PDPR: variants seen among roughly 807,000 people sequenced by gnomAD.
PDPR encodes the protein pyruvate dehydrogenase phosphatase regulatory subunit.
A neutral mutation model predicts 102.2 loss-of-function variants in PDPR; 50 were observed. The ratio of observed to expected loss-of-function variants is 0.49; its 90% CI spans 0.39 to 0.62. PDPR has a LOEUF of 0.62. Ranked by LOEUF, PDPR falls within the 20% of genes least tolerant of loss-of-function variation. The probability of loss-of-function intolerance (pLI) is 0.00; values close to 1 mark genes in which losing one functional copy is unlikely to be tolerated. For missense variants in PDPR, 625 were observed against 1,098.2 expected, an observed-to-expected ratio of 0.57 and a Z score of 6.09; for synonymous variants, 259 against 406.0, an observed-to-expected ratio of 0.64 and a Z score of 4.35.
chr16:70,151,072 C>A (rs1272004597), intron 17 of PDPR, among the ~76,000 whole-genome samples: 2 of 152,222 alleles, frequency 1.3e-5, no homozygotes, highest in Non-Finnish European at 2.9e-5. Flanking sequence ...GTAGCTGGGA[C>A]TACAGGCACA....
rs12448476 is a variant in PDPR, at chr16:70,157,851, A to G, written c.*972A>G. On this transcript the variant is annotated 3_prime_UTR_variant, in exon 19 of 19. Transcript: ENST00000288050. Reference sequence around the variant, plus strand: ...GGTCAGCCTCACTTGTCCCTTTCACAGTTGGCCCATAAAGTCATGTTTCTC... The same window carrying G: ...GGTCAGCCTCACTTGTCCCTTTCACGGTTGGCCCATAAAGTCATGTTTCTC... The G allele has an allele frequency of 0.031, 4,817 of 153,864 alleles. 159 individuals carry two copies. Among genetic ancestry groups the G allele is most frequent in the East Asian group, 0.21 (1,076 of 5,056 alleles). 9.5% of individuals were successfully genotyped at this position (153,864 alleles called of 1,614,324 possible).
rs1967324316 is a variant in PDPR at position 70,157,263 on chromosome 16, C to T, written c.*384C>T. The T allele has an allele frequency of 2.1e-6, 1 of 484,962 alleles. No individual in the cohort carries two copies. Among genetic ancestry groups the T allele is most frequent in the Admixed American group, 2.4e-5 (1 of 42,356 alleles). The allele number at this position is 484,962 out of a possible 1,614,324, so 30.0% of individuals were successfully genotyped here. On this transcript the variant is annotated 3_prime_UTR_variant, in exon 19 of 19. Transcript: ENST00000288050. ...GTGGTGCAGGTCTCAGGGCACGAGT[C>T]CCTCTCCCTTGGGTTCCATTTTCTT...
At chr16:70,151,084 G>A (rs997660684) in intron 17 of PDPR, among the ~76,000 whole-genome samples, 4 of 152,236 alleles carry the variant, frequency 2.6e-5, no homozygotes, top group Non-Finnish European at 2.9e-5. Flanking sequence ...ACAGGCACAC[G>A]CCACCACACT....
chr16:70,150,082 C>T (rs1416951342), intron 17 of PDPR, among the ~76,000 whole-genome samples: 1 of 151,456 alleles, frequency 6.6e-6, no homozygotes, highest in Admixed American at 6.6e-5. Context: ...AGCCACCGCA[C>T]CCGGCCGGCT....
chr16:70,145,955 G>A (rs1228438427), intron 15 of PDPR, 179 bp from the exon 16 acceptor site: 2 of 591,848 alleles, frequency 3.4e-6, no homozygotes, highest in East Asian at 3.1e-5. Flanking sequence ...TGTTGGCAGA[G>A]GTGTATTCGC....
intron 17 of PDPR, among the ~76,000 whole-genome samples, chr16:70,149,104 A>G (rs1454672820): frequency 6.6e-6 from 1 of 151,358 alleles, no homozygotes; most frequent in Non-Finnish European, 1.5e-5. Flanking sequence ...CATGTCGCTC[A>G]AGCTGGTCTC....
chr16:70,132,950 T>C (rs181435639), intron 9 of PDPR, among the ~76,000 whole-genome samples: 143 of 152,218 alleles, frequency 9.4e-4, no homozygotes, highest in African/African-American at 3.2e-3. Flanking sequence ...GTAGCTGGGA[T>C]TACAGGTGCT....
At chr16:70,114,238 C>T (rs907974186), upstream of PDPR, 11 of 151,476 alleles carry the variant, frequency 7.3e-5, no homozygotes, top group African/African-American at 2.4e-4. Flanking sequence ...AGGTCACGCG[C>T]CGGCAGTACC....
At chr16:70,150,228 C>G (rs1258675370) in intron 17 of PDPR, among the ~76,000 whole-genome samples, 1 of 149,290 alleles carries the variant, frequency 6.7e-6, no homozygotes, top group Admixed American at 6.7e-5. Flanking sequence ...CTCAGCCTCC[C>G]GAGTAGCTGG....
At chr16:70,123,924 C>T (rs1169295278) in intron 3 of PDPR, among the ~76,000 whole-genome samples, 2 of 152,108 alleles carry the variant, frequency 1.3e-5, no homozygotes, top group Admixed American at 6.6e-5. Context: ...AGTGGTTATT[C>T]GCGTCTGTTA....
chr16:70,152,361 A>G (rs1966800911), intron 17 of PDPR, among the ~76,000 whole-genome samples: 1 of 152,290 alleles, frequency 6.6e-6, no homozygotes, highest in Non-Finnish European at 1.5e-5. Flanking sequence ...TCTACTAAAA[A>G]TACAAAAATT....
At chr16:70,134,823 A>G (rs1170378691) in intron 9 of PDPR, among the ~76,000 whole-genome samples, 2 of 152,144 alleles carry the variant, frequency 1.3e-5, no homozygotes, top group Non-Finnish European at 2.9e-5. Context: ...ATAGTTACCT[A>G]GTTCCAAATT....
In PDPR at chr16:70,147,784, C is replaced by A. The variant is rs1419449487; in HGVS notation, c.1963-680C>A. ...CAAAGTGAAAGCAACAGAAAACTCT[C>A]CACTGTTAGCTATCAGTGGACCCCT... is the stretch of plus-strand genomic sequence containing the variant. On this transcript the variant is annotated intron_variant, in intron 16 of 18. Coordinates refer to ENST00000288050, the MANE Select transcript of PDPR (RefSeq NM_017990.5). 4 of 369,410 alleles carry A rather than the reference C, an allele frequency of 1.1e-5. No individual in the cohort carries two copies. The East Asian group carries it at 2.9e-4, about 27-fold the overall frequency. The allele number at this position is 369,410 out of a possible 1,614,324, so 22.9% of individuals were successfully genotyped here. A position where few individuals can be genotyped will look rare whatever the true frequency, so the allele number is the denominator to read the frequency against.
In PDPR at chr16:70,119,343, C is replaced by T. The variant is rs78808324; in HGVS notation, c.-32-1118C>T. On this transcript the variant is annotated intron_variant, in intron 2 of 18. Transcript: ENST00000288050. ...TGGAAAACATCCCCCAACCCCCCAC[C>T]GCCAAAAAAAACAAAGAAAAGAAAA... Among the ~76,000 whole-genome samples the T allele has an allele frequency of 6.0e-4, 91 of 152,010 alleles. 1 individual carries two copies. In the East Asian group the frequency reaches 7.9e-3, roughly 13 times the overall value.
chr16:70,148,957 T>C (rs1276651210), intron 17 of PDPR, among the ~76,000 whole-genome samples: 20 of 152,120 alleles, frequency 1.3e-4, no homozygotes, highest in African/African-American at 4.3e-4. Flanking sequence ...TGCAATGGCA[T>C]GACCGTGGCT....
At chr16:70,142,885 C>T (rs1487590764) in intron 13 of PDPR, among the ~76,000 whole-genome samples, 199 bp downstream of exon 13, 2 of 152,212 alleles carry the variant, frequency 1.3e-5, no homozygotes, top group Non-Finnish European at 2.9e-5. Context: ...ATGGTGAAAC[C>T]CCGTTTCTAC....
intron 3 of PDPR, among the ~76,000 whole-genome samples, chr16:70,121,689 CAAAAAA>C (rs145401299): frequency 7.1e-6 from 1 of 141,202 alleles, no homozygotes; most frequent in Non-Finnish European, 1.5e-5. Flanking sequence ...GAGACTGTCT[CAAAAAA>C]AAAAAAAAAG....
intron 2 of PDPR, among the ~76,000 whole-genome samples, chr16:70,119,252 G>T (rs1424036734): frequency 6.6e-6 from 1 of 152,042 alleles, no homozygotes; most frequent in Non-Finnish European, 1.5e-5. Context: ...CTTGAGCCTA[G>T]GAAGTCAACT....
At chr16:70,137,775 T>C (rs977997939) in intron 10 of PDPR, among the ~76,000 whole-genome samples, 1 of 152,294 alleles carries the variant, frequency 6.6e-6, no homozygotes, top group Non-Finnish European at 1.5e-5. Context: ...AAAGGAGATG[T>C]GGTCACGTAA....
Sources: gnomAD v4.1 joint callset for allele counts (sites outside exome capture counted in the v4.1 genomes callset) on GRCh38, gnomAD v4.1.1 for gene constraint, MANE v1.5 for transcripts, NCBI Gene and HGNC (gene_info 2026-07-23, HGNC 2026-07-21) for gene names.